DND1: variants seen among roughly 807,000 people sequenced by gnomAD.
DND1 encodes the protein dead end protein homolog 1.
Under a neutral mutation model 30.4 loss-of-function variants are expected in DND1, and 6 were observed. That is an observed-to-expected ratio of 0.20 (90% CI 0.11 to 0.39). The LOEUF (loss-of-function observed/expected upper bound fraction) is 0.39, where lower values mean the gene tolerates loss of function less well. DND1 is among the 10% of genes least tolerant of loss of function. The probability of loss-of-function intolerance (pLI) is 1.00; values close to 1 mark genes in which losing one functional copy is unlikely to be tolerated. For synonymous variants in DND1, 178 were observed against 210.4 expected, an observed-to-expected ratio of 0.85 and a Z score of 1.33; for missense variants, 358 against 474.9, an observed-to-expected ratio of 0.75 and a Z score of 2.29.
At position 140,670,954 on chromosome 5, in the gene DND1, G is replaced by A. The variant is rs1341714606; in HGVS notation, c.*339C>T. On this transcript the variant is annotated 3_prime_UTR_variant, in exon 4 of 4. Coordinates refer to ENST00000542735, the MANE Select transcript of DND1 (RefSeq NM_194249.3). ...CCCACAAATAAAAACCAACAAAGAG[G>A]ACAAATCAGGACAATAAAGAAGATT... 2.3e-5 allele frequency: 8 copies of A among 347,034 alleles called. No homozygotes were observed. Among genetic ancestry groups the A allele is most frequent in the Non-Finnish European group, 4.3e-5 (8 of 187,660 alleles). The allele number at this position is 347,034 out of a possible 1,614,324, so 21.5% of individuals were successfully genotyped here. A position where few individuals can be genotyped will look rare whatever the true frequency, so the allele number is the denominator to read the frequency against.
rs761850916 is a variant in DND1, at chr5:140,672,737, G to C, written c.312C>G (p.Arg104=). The C allele has an allele frequency of 6.3e-7, 1 of 1,589,462 alleles. No homozygotes were observed. Among genetic ancestry groups the C allele is most frequent in the Admixed American group, 1.7e-5 (1 of 58,790 alleles). The change falls in exon 3 of 4, where the codon CGC becomes CGG. Residue 104 remains arginine, a synonymous_variant. Coordinates refer to ENST00000542735, the MANE Select transcript of DND1 (RefSeq NM_194249.3). ...CCTGCGCGCCGCGCCTCGAGCTGTA[G>C]CGGGCATAGGCGAAGCCGCGGTTCA... ...SGLNRGFAYA[R]YSSRRGAQAA...
At chr5:140,673,485 G>A (rs1581497616) in intron 1 of DND1, 34 bp downstream of exon 1, 1 of 1,608,380 alleles carries the variant, frequency 6.2e-7, no homozygotes, top group Non-Finnish European at 8.5e-7. Context: ...CGCTCCGGCG[G>A]GGCTCGCCGG....
intron 2 of DND1, 51 bp downstream of exon 2, chr5:140,673,220 C>A (rs753107806): frequency 1.3e-6 from 2 of 1,596,922 alleles, no homozygotes; most frequent in Non-Finnish European, 8.6e-7. Flanking sequence ...AGCCCCTCCC[C>A]CAAAGGGGGC....
In DND1 at chr5:140,672,831, T is replaced by A; in HGVS notation, c.218A>T (p.Gln73Leu). ...CACGCGCTGGAACAGCGGGATAAGC[T>A]GGTGCTCGTACACGTCCTGAGGCAG... ...GRLPQDVYEH[Q>L]LIPLFQRVGR... The change falls in exon 3 of 4, where the codon CAG becomes CTG. Residue 73 changes from glutamine to leucine, a missense_variant. By Grantham distance (113) the Gln-to-Leu change is moderately radical. Coordinates refer to ENST00000542735, the MANE Select transcript of DND1 (RefSeq NM_194249.3). The A allele has an allele frequency of 6.4e-7, 1 of 1,555,104 alleles. No homozygotes were observed. The highest frequency in any genetic ancestry group is 1.2e-5 in the South Asian group (1 of 85,554).
At chr5:140,673,040 G>T (rs1335333683) in intron 2 of DND1, 134 bp from the exon 3 acceptor site, 5 of 1,140,396 alleles carry the variant, frequency 4.4e-6, no homozygotes, top group African/African-American at 3.0e-5. Context: ...ACCCTGGGTG[G>T]TTGGCATAAT....
intron 1 of DND1, 38 bp downstream of exon 1, chr5:140,673,481 G>A (rs755812376): frequency 1.7e-5 from 28 of 1,609,184 alleles, no homozygotes; most frequent in Non-Finnish European, 1.0e-5. Flanking sequence ...CCCCCGCTCC[G>A]GCGGGGCTCG....
Position 140,672,865 on chromosome 5 carries a change from T to C in DND1, c.184A>G (p.Ile62Val). The C allele has an allele frequency of 6.5e-7, 1 of 1,541,458 alleles. No individual in the cohort carries two copies. Among genetic ancestry groups the C allele is most frequent in the Non-Finnish European group, 8.7e-7 (1 of 1,149,006 alleles). ...TACACGTCCTGAGGCAGCCGCCCGATGAACACCTCTGACCCAGCTGGCGGC... is the reference window on the plus strand; with the variant it reads ...TACACGTCCTGAGGCAGCCGCCCGACGAACACCTCTGACCCAGCTGGCGGC... ...SPPPAGSEVF[I>V]GRLPQDVYEH... The change falls in exon 3 of 4, where the codon ATC (isoleucine) becomes GTC (valine). Residue 62 changes from isoleucine to valine, a missense_variant. Coordinates refer to ENST00000542735, the MANE Select transcript of DND1 (RefSeq NM_194249.3).
intron 2 of DND1, 150 bp downstream of exon 2, chr5:140,673,121 G>A: frequency 4.8e-6 from 5 of 1,049,102 alleles, no homozygotes; most frequent in Middle Eastern, 5.9e-4. Context: ...TCCCTCGACG[G>A]GGCGGGTGGA....
chr5:140,673,426 A>C, intron 1 of DND1, 38 bp from the exon 2 acceptor site: 1 of 1,613,758 alleles, frequency 6.2e-7, no homozygotes, highest in East Asian at 2.2e-5. Flanking sequence ...CGGATCGCCA[A>C]GCGCGCCCCC....
intron 3 of DND1, 103 bp downstream of exon 3, chr5:140,672,342 G>T: frequency 7.9e-7 from 1 of 1,267,152 alleles, no homozygotes; most frequent in Non-Finnish European, 1.1e-6. Context: ...TGCAAATTCT[G>T]GCATGTTTGA....
At chr5:140,671,791 G>T in intron 3 of DND1, 41 bp from the exon 4 acceptor site, 1 of 1,550,364 alleles carries the variant, frequency 6.5e-7, no homozygotes, top group Non-Finnish European at 8.7e-7. Context: ...TCTAAACCCT[G>T]GGCCCAAGCC....
chr5:140,671,135 G>A lies in DND1; in HGVS notation c.*158C>T. ...TAACCCAAACCTAAGCTGCCCCCAG[G>A]TGCCATAGGTCCCTGTCCCAGCAGG... is the stretch of plus-strand genomic sequence containing the variant. On this transcript the variant is annotated 3_prime_UTR_variant, in exon 4 of 4. Coordinates refer to ENST00000542735, the MANE Select transcript of DND1 (RefSeq NM_194249.3). 1 of 908,540 alleles carries A rather than the reference G, an allele frequency of 1.1e-6. No individual in the cohort carries two copies. Among genetic ancestry groups the A allele is most frequent in the Admixed American group, 2.3e-5 (1 of 43,414 alleles). 56.3% of individuals were successfully genotyped at this position (908,540 alleles called of 1,614,324 possible). A position where few individuals can be genotyped will look rare whatever the true frequency, so the allele number is the denominator to read the frequency against.
In DND1 at chr5:140,671,514, C is replaced by T. The variant is rs1311657543; in HGVS notation, c.841G>A (p.Gly281Arg). 1.9e-6 allele frequency: 3 copies of T among 1,583,970 alleles called. No individual in the cohort carries two copies. Among genetic ancestry groups the T allele is most frequent in the Non-Finnish European group, 2.6e-6 (3 of 1,166,806 alleles). Reference protein sequence around the residue: ...PVFLTKCLGIGPAGWHRFWYQ... With the variant: ...PVFLTKCLGIRPAGWHRFWYQ... Reference sequence around the variant, plus strand: ...CAGAAGCGGTGCCAGCCAGCAGGTCCTATGCCCAAACACTTGGTGAGGAAC... The same window carrying T: ...CAGAAGCGGTGCCAGCCAGCAGGTCTTATGCCCAAACACTTGGTGAGGAAC... The change falls in exon 4 of 4, where the codon GGA becomes AGA. Residue 281 changes from glycine (G) to arginine (R), a missense_variant. By Grantham distance (125) the Gly-to-Arg change is moderately radical (BLOSUM62 -2). This residue lies in a region of DND1 where 176 missense variants were observed against 235.2 expected (regional missense o/e 0.75). Coordinates refer to ENST00000542735, the MANE Select transcript of DND1 (RefSeq NM_194249.3).
chr5:140,673,158 G>A, intron 2 of DND1, 113 bp downstream of exon 2: 1 of 1,238,398 alleles, frequency 8.1e-7, no homozygotes, highest in South Asian at 1.2e-5. Flanking sequence ...CTCCTTTGCT[G>A]GGGGGTATAA....
chr5:140,673,522 A>G lies in DND1; in HGVS notation c.21T>C (p.Cys7=). ...CCCCAAGTCGCCAGCCGCTTACCTC[A>G]CAATCCCGCTTGGACTGCATGGCTC... MQSKRD[C]ELWCERVNPE... The change falls in exon 1 of 4, where the codon TGT becomes TGC. Residue 7 remains cysteine, a synonymous_variant. Coordinates refer to ENST00000542735, the MANE Select transcript of DND1 (RefSeq NM_194249.3). 6.3e-7 allele frequency: 1 copy of G among 1,591,394 alleles called. No individual in the cohort carries two copies. Among genetic ancestry groups the G allele is most frequent in the Non-Finnish European group, 8.6e-7 (1 of 1,168,590 alleles).
In DND1 at chr5:140,672,577, G is replaced by C. The variant is rs759432597; in HGVS notation, c.472C>G (p.Leu158Val). ...TGCAAGCCGGGACCCAGCGGCTGCAGCGCGAGCAGCAGCGCGCTGCGGGTC... is the reference window on the plus strand; with the variant it reads ...TGCAAGCCGGGACCCAGCGGCTGCACCGCGAGCAGCAGCGCGCTGCGGGTC... ...NLTRSALLLA[L>V]QPLGPGLQEA... is the part of the protein sequence containing the mutation. Residue 158 changes from leucine (L) to valine (V), a missense_variant, in exon 3 of 4, where the codon CTG becomes GTG. Coordinates refer to ENST00000542735, the MANE Select transcript of DND1 (RefSeq NM_194249.3). The C allele has an allele frequency of 5.1e-6, 8 of 1,580,060 alleles. No homozygotes were observed. The highest frequency in any genetic ancestry group is 6.8e-6 in the Non-Finnish European group (8 of 1,169,390).
intron 3 of DND1, 63 bp downstream of exon 3, chr5:140,672,382 G>A: frequency 2.0e-6 from 3 of 1,470,978 alleles, no homozygotes; most frequent in Admixed American, 2.0e-5. Flanking sequence ...TAACAGCTAT[G>A]CTCAGTATAA....
chr5:140,671,792 GGCCCAA>G, intron 3 of DND1, 42 bp from the exon 4 acceptor site: 1 of 1,549,680 alleles, frequency 6.5e-7, no homozygotes. Context: ...CTAAACCCTG[GGCCCAA>G]GCCTCCAGGT....
rs571658944 is a variant in DND1, at chr5:140,672,925, C to G, written c.143-19G>C. 1.4e-5 allele frequency: 22 copies of G among 1,536,560 alleles called. No homozygotes were observed. The South Asian group carries it at 2.1e-4, about 15-fold the overall frequency. On this transcript the variant is annotated intron_variant, in intron 2 of 3. Coordinates refer to ENST00000542735, the MANE Select transcript of DND1 (RefSeq NM_194249.3). ...ACCCAGCCTGTGGGAAGAGGGTATG[C>G]AAGGCCACCGTCAGGCGACGCTTTC...
Sources: gnomAD v4.1 joint callset for allele counts on GRCh38, gnomAD v4.1.1 for gene constraint, gnomAD v4.1.1 regional missense constraint, MANE v1.5 for transcripts, NCBI Gene and HGNC (gene_info 2026-07-23, HGNC 2026-07-21) for gene names.